The following GBF1 variants were observed in gnomAD, a reference collection of about 807,000 sequenced individuals.
GBF1 encodes golgi brefeldin A resistant guanine nucleotide exchange factor 1, also known as Golgi-specific brefeldin A-resistance guanine nucleotide exchange factor 1.
A neutral mutation model predicts 210.5 loss-of-function variants in GBF1; 114 were observed. The observed-to-expected ratio is 0.54, with a 90% confidence interval of 0.47 to 0.63. The LOEUF (loss-of-function observed/expected upper bound fraction) is 0.63, where lower values mean the gene tolerates loss of function less well. GBF1 is among the 30% of genes least tolerant of loss of function. The pLI is 0.00. For missense variants in GBF1, 1,851 were observed against 2,357.7 expected (o/e 0.79, Z 4.45); for synonymous variants, 850 against 889.2 (o/e 0.96, Z 0.78).
chr10:102,286,167 G>T (rs771112384), intron 3 of GBF1, among the ~76,000 whole-genome samples: 2 of 150,758 alleles, frequency 1.3e-5, no homozygotes, highest in East Asian at 3.9e-4. Context: ...TTGGCCTTGA[G>T]AGATTTGGGG....
At chr10:102,362,439 C>T in intron 14 of GBF1, 36 bp from the exon 15 acceptor site, 3 of 1,435,804 alleles carry the variant, frequency 2.1e-6, no homozygotes, top group Non-Finnish European at 2.9e-6. Context: ...AAGTGTTCTC[C>T]TAACTACAAG....
rs1273809260 is a variant in GBF1, at chr10:102,380,282, C to G, written c.4912C>G (p.Leu1638Val). 1 of 1,614,054 alleles carries G rather than the reference C, an allele frequency of 6.2e-7. No individual in the cohort carries two copies. The highest frequency in any genetic ancestry group is 1.1e-5 in the South Asian group (1 of 91,086). The change falls in exon 37 of 40, where the codon CTC becomes GTC. Residue 1638 changes from leucine (L) to valine (V), a missense_variant. By Grantham distance (32) the Leu-to-Val change is conservative. Around this residue, in one of 3 missense-constraint regions of GBF1, gnomAD observed 967 missense variants for 1,247.7 expected, o/e 0.78. Transcript: ENST00000369983. ...GCAGCACCTGTCTCCACTGCTGTCA[C>G]TCTCTACCTTTGCGGCCCTCTGGCT... The part of the protein sequence containing the change: ...FLQHLSPLLS[L>V]STFAALWLTI...
chr10:102,299,156 T>G (rs2077137652), intron 3 of GBF1, among the ~76,000 whole-genome samples: 2 of 152,204 alleles, frequency 1.3e-5, no homozygotes, highest in Admixed American at 1.3e-4. Flanking sequence ...GAGGATGGTA[T>G]GGAATACTAC....
intron 17 of GBF1, among the ~76,000 whole-genome samples, 169 bp from the exon 18 acceptor site, chr10:102,365,228 G>T (rs1589792417): frequency 6.6e-6 from 1 of 152,172 alleles, no homozygotes; most frequent in Admixed American, 6.5e-5. Context: ...ACATGAAGAT[G>T]GGGGAAGCTA....
Position 102,360,220 on chromosome 10 carries a change from G to T in GBF1, c.1217G>T (p.Arg406Leu). 1 of 1,613,866 alleles carries T rather than the reference G, an allele frequency of 6.2e-7. No individual in the cohort carries two copies. Among genetic ancestry groups the T allele is most frequent in the Non-Finnish European group, 8.5e-7 (1 of 1,179,820 alleles). The change falls in exon 12 of 40, where the codon CGC becomes CTC. Residue 406 changes from arginine (R) to leucine (L), a missense_variant. Arg to Leu is a moderately radical substitution (Grantham distance 102, BLOSUM62 -2). This residue lies in a region of GBF1 where 804 missense variants were observed against 958.6 expected (regional missense o/e 0.84). Transcript: ENST00000369983. ...ALVPYGLPCI[R>L]ELFRFLISLT... ...GTCCCCTATGGTCTTCCCTGCATCC[G>T]CGAGCTCTTCCGCTTCCTCATCTCC...
chr10:102,250,007 G>T (rs895913777), intron 1 of GBF1, among the ~76,000 whole-genome samples: 5 of 152,020 alleles, frequency 3.3e-5, no homozygotes, highest in Non-Finnish European at 7.4e-5. Flanking sequence ...GCTTTTAAAG[G>T]TATTGAGTGA....
At chr10:102,329,951 A>C (rs1194852085) in intron 3 of GBF1, among the ~76,000 whole-genome samples, 1 of 152,088 alleles carries the variant, frequency 6.6e-6, no homozygotes, top group Non-Finnish European at 1.5e-5. Flanking sequence ...TCTACAAAAA[A>C]TTTAAAAAAT....
At chr10:102,266,100 A>G (rs2073842593) in intron 3 of GBF1, among the ~76,000 whole-genome samples, 2 of 152,106 alleles carry the variant, frequency 1.3e-5, no homozygotes, top group South Asian at 4.2e-4. Flanking sequence ...TTAGTCGGGC[A>G]TGGTGGCAGG....
intron 8 of GBF1, among the ~76,000 whole-genome samples, chr10:102,354,030 A>G (rs531408806): frequency 4.6e-5 from 7 of 152,274 alleles, no homozygotes; most frequent in Non-Finnish European, 7.4e-5. Flanking sequence ...TCCTACCTCA[A>G]TGCTGAATTA....
chr10:102,271,494 T>C (rs2074415570), intron 3 of GBF1, among the ~76,000 whole-genome samples: 1 of 150,766 alleles, frequency 6.6e-6, no homozygotes, highest in African/African-American at 2.4e-5. Context: ...CCTAGGCTTT[T>C]AAAAGACAAT....
Position 102,367,153 on chromosome 10 carries a change from T to G in GBF1, c.2502T>G (p.Leu834=). Residue 834 remains leucine (L), a synonymous_variant, in exon 20 of 40, where the codon CTT becomes CTG. Coordinates refer to ENST00000369983, the MANE Select transcript of GBF1 (RefSeq NM_001377137.1). ...CCCTGGCCTATGCTGTCATCATGCT[T>G]AATACTGACCAGCACAACCACAATG... ...CFSLAYAVIM[L]NTDQHNHNVR... The G allele has an allele frequency of 6.2e-7, 1 of 1,613,740 alleles. No homozygotes were observed. Among genetic ancestry groups the G allele is most frequent in the Non-Finnish European group, 8.5e-7 (1 of 1,179,636 alleles).
At position 102,363,988 on chromosome 10, in the gene GBF1, G is replaced by C. The variant is rs1324674840; in HGVS notation, c.2106+190G>C. Among the ~76,000 whole-genome samples, 2 of 151,946 alleles carry C rather than the reference G, an allele frequency of 1.3e-5. No individual in the cohort carries two copies. The highest frequency in any genetic ancestry group is 4.8e-5 in the African/African-American group (2 of 41,352). ...TCCCTTACTCCTAAGCTATGTAGTT[G>C]AGCATACCCTATGTATGCCCCTGCG... On this transcript the variant is annotated intron_variant, in intron 17 of 39. Coordinates refer to ENST00000369983, the MANE Select transcript of GBF1 (RefSeq NM_001377137.1). This position sits in a 1 kb window ranked among gnomAD's most constrained non-coding sequence, Gnocchi z 4.2.
intron 3 of GBF1, among the ~76,000 whole-genome samples, chr10:102,291,123 T>C (rs1392084780): frequency 6.6e-6 from 1 of 151,690 alleles, no homozygotes; most frequent in Admixed American, 6.6e-5. Context: ...GTGTTTTTTA[T>C]TGCCAAGTCT....
chr10:102,278,074 T>C (rs1178612617), intron 3 of GBF1, among the ~76,000 whole-genome samples: 3 of 151,942 alleles, frequency 2.0e-5, no homozygotes, highest in African/African-American at 7.3e-5. Context: ...TTTGGCAACA[T>C]AGTGAGAACT....
intron 3 of GBF1, among the ~76,000 whole-genome samples, chr10:102,282,059 T>TGG (rs374820734): frequency 6.6e-6 from 1 of 151,468 alleles, no homozygotes; most frequent in African/African-American, 2.4e-5. Flanking sequence ...CCTGAGTAGC[T>TGG]GGGACTACAG....
At chr10:102,337,748 C>G (rs948587303) in intron 3 of GBF1, among the ~76,000 whole-genome samples, 8 of 151,812 alleles carry the variant, frequency 5.3e-5, no homozygotes, top group Admixed American at 5.3e-4. Flanking sequence ...TCCCAGCTAC[C>G]TGGGAGGCTG....
chr10:102,380,235 C>T lies in GBF1; in HGVS notation c.4879-14C>T. The T allele has an allele frequency of 6.4e-7, 1 of 1,572,030 alleles. No homozygotes were observed. The highest frequency in any genetic ancestry group is 8.8e-7 in the Non-Finnish European group (1 of 1,141,578). On this transcript the variant is annotated splice_polypyrimidine_tract_variant and intron_variant, in intron 36 of 39. Coordinates refer to ENST00000369983, the MANE Select transcript of GBF1 (RefSeq NM_001377137.1). ...CTACAGTCCCCTCAGCTGAAGGGGG[C>T]TGGTGGGCCATAGGTCTTCCTGCAG...
intron 5 of GBF1, 71 bp from the exon 6 acceptor site, chr10:102,351,772 C>T: frequency 1.1e-6 from 1 of 876,324 alleles, no homozygotes; most frequent in Non-Finnish European, 2.0e-6. Flanking sequence ...TTCTTGCTAA[C>T]CCCTCTCTCT....
intron 13 of GBF1, 32 bp from the exon 14 acceptor site, chr10:102,361,686 C>T: frequency 1.0e-5 from 15 of 1,458,342 alleles, no homozygotes; most frequent in Non-Finnish European, 1.4e-5. Context: ...ATCCTTTCCC[C>T]ACCCAAATGG....
Sources: allele counts gnomAD v4.1 joint callset (sites outside exome capture counted in the v4.1 genomes callset), GRCh38; gene constraint gnomAD v4.1.1; regional missense constraint gnomAD v4.1.1; non-coding constraint Gnocchi (gnomAD v3.1); transcripts MANE v1.5; gene names NCBI Gene and HGNC (gene_info 2026-07-23, HGNC 2026-07-21).